Variants in LRP1B observed in about 807,000 individuals in gnomAD.
LRP1B encodes LDL receptor related protein 1B, also known as low-density lipoprotein receptor-related protein 1B.
Under a neutral mutation model 556.6 loss-of-function variants are expected in LRP1B, and 217 were observed. The observed-to-expected ratio is 0.39, with a 90% CI of 0.35 to 0.44. The LOEUF (loss-of-function observed/expected upper bound fraction) is 0.44, where lower values mean the gene tolerates loss of function less well. LRP1B is among the 20% of genes least tolerant of loss of function. The pLI, the probability that LRP1B is intolerant of heterozygous loss-of-function variation, is 1.00. For missense variants in LRP1B, 5,053 were observed against 5,620.8 expected (o/e 0.90, Z 3.23); for synonymous variants, 2,047 against 1,865.8 (o/e 1.10, Z -2.50).
At chr2:141,529,952 T>G (rs10201404) in intron 2 of LRP1B, among the ~76,000 whole-genome samples, 11,721 of 152,170 alleles carry the variant, frequency 0.077, 537 homozygotes, top group South Asian at 0.11. Context: ...TAAGATCTCA[T>G]GCAATTTTCT....
intron 2 of LRP1B, among the ~76,000 whole-genome samples, chr2:141,558,591 GT>G (rs1163918013): frequency 3.3e-5 from 5 of 151,764 alleles, no homozygotes; most frequent in Non-Finnish European, 7.4e-5. Context: ...TTAACCTTGA[GT>G]TTTTAAGTCC....
intron 2 of LRP1B, among the ~76,000 whole-genome samples, chr2:141,649,957 A>T (rs1410008177): frequency 2.6e-5 from 4 of 152,184 alleles, no homozygotes; most frequent in Non-Finnish European, 1.5e-5. Flanking sequence ...AAGCAGATGG[A>T]TCATCTGAGG....
At chr2:140,300,746 A>C (rs1018762671) in intron 83 of LRP1B, among the ~76,000 whole-genome samples, 1 of 152,148 alleles carries the variant, frequency 6.6e-6, no homozygotes, top group African/African-American at 2.4e-5. Flanking sequence ...ATCCCTGTCT[A>C]TAAAATCAAC....
chr2:140,816,857 A>G (rs941174082), intron 31 of LRP1B, among the ~76,000 whole-genome samples: 17 of 152,272 alleles, frequency 1.1e-4, no homozygotes, highest in African/African-American at 3.8e-4. Flanking sequence ...TTTTTGCATC[A>G]TAAGATTTTT....
intron 32 of LRP1B, among the ~76,000 whole-genome samples, chr2:140,781,852 G>C (rs1573710708): frequency 1.3e-5 from 2 of 152,164 alleles, no homozygotes; most frequent in Admixed American, 6.5e-5. Context: ...CAGATAGAAT[G>C]ACATGATTTT....
chr2:140,830,740 C>T (rs58585129), intron 31 of LRP1B, among the ~76,000 whole-genome samples: 70,927 of 151,780 alleles, frequency 0.47, 18,156 homozygotes, highest in East Asian at 0.57. Flanking sequence ...TAGTACTGGA[C>T]GTCCTAGCAA....
intron 1 of LRP1B, among the ~76,000 whole-genome samples, chr2:142,001,636 G>C (rs77992049): frequency 0.013 from 2,038 of 152,252 alleles, 48 homozygotes; most frequent in African/African-American, 0.047. Context: ...GTTCATTGGA[G>C]ACATACTGCA....
intron 32 of LRP1B, among the ~76,000 whole-genome samples, chr2:140,810,468 C>A (rs1049598051): frequency 1.7e-5 from 2 of 115,626 alleles, no homozygotes; most frequent in Non-Finnish European, 4.2e-5. Flanking sequence ...TTTACTTTTT[C>A]ATTGTTTTTT....
intron 1 of LRP1B, among the ~76,000 whole-genome samples, chr2:141,933,083 G>C (rs557301766): frequency 6.6e-6 from 1 of 151,724 alleles, no homozygotes; most frequent in Admixed American, 6.6e-5. Context: ...ATATTTAATA[G>C]GAATATATTT....
intron 15 of LRP1B, among the ~76,000 whole-genome samples, chr2:141,000,024 CCT>C (rs1697368497): frequency 6.6e-6 from 1 of 151,936 alleles, no homozygotes; most frequent in African/African-American, 2.4e-5. Flanking sequence ...CAAGAGAGCC[CCT>C]GACTCATCCT....
chr2:140,693,293 G>C (rs552765951), intron 41 of LRP1B, among the ~76,000 whole-genome samples: 10 of 152,238 alleles, frequency 6.6e-5, no homozygotes, highest in African/African-American at 2.2e-4. Flanking sequence ...AACATGTGCA[G>C]TTTCATTAAA....
intron 1 of LRP1B, among the ~76,000 whole-genome samples, chr2:142,006,712 T>A (rs550773694): frequency 6.6e-6 from 1 of 150,428 alleles, no homozygotes; most frequent in African/African-American, 2.4e-5. Context: ...AGAGGGCTAC[T>A]TTTTTTTTCA....
intron 54 of LRP1B, 77 bp downstream of exon 54, chr2:140,502,886 C>G: frequency 6.9e-7 from 1 of 1,440,932 alleles, no homozygotes; most frequent in South Asian, 1.2e-5. Context: ...TCATTGAATA[C>G]TATACTAGAC....
chr2:141,380,315 A>C (rs2104885349), intron 3 of LRP1B, among the ~76,000 whole-genome samples: 1 of 152,232 alleles, frequency 6.6e-6, no homozygotes. Context: ...GCTGTCCAAG[A>C]GTCTGGCTTC....
At chr2:141,346,879 T>G (rs1688272533) in intron 3 of LRP1B, among the ~76,000 whole-genome samples, 1 of 152,166 alleles carries the variant, frequency 6.6e-6, no homozygotes, top group South Asian at 2.1e-4. Context: ...ATGTTTTTAT[T>G]CTTTTGTAAT....
At chr2:140,911,242 A>G (rs1694409298) in intron 21 of LRP1B, among the ~76,000 whole-genome samples, 1 of 151,830 alleles carries the variant, frequency 6.6e-6, no homozygotes, top group South Asian at 2.1e-4. Flanking sequence ...CCATACATTT[A>G]TCAATATCAG....
At chr2:142,007,004 C>G (rs1190082255) in intron 1 of LRP1B, among the ~76,000 whole-genome samples, 3 of 151,982 alleles carry the variant, frequency 2.0e-5, no homozygotes, top group Non-Finnish European at 4.4e-5. Flanking sequence ...TTAGCTTGTC[C>G]TTGTCAAAAA....
At chr2:142,052,944 G>A (rs1360417232) in intron 1 of LRP1B, among the ~76,000 whole-genome samples, 1 of 152,142 alleles carries the variant, frequency 6.6e-6, no homozygotes, top group Non-Finnish European at 1.5e-5. Context: ...TCGGCATGAA[G>A]TTAATGAATA....
chr2:140,736,069 A>C (rs1687935483), intron 35 of LRP1B, among the ~76,000 whole-genome samples: 1 of 152,156 alleles, frequency 6.6e-6, no homozygotes, highest in Non-Finnish European at 1.5e-5. Flanking sequence ...AAACACATGG[A>C]GAAACTATGC....
Sources: gnomAD v4.1 joint callset for allele counts (sites outside exome capture counted in the v4.1 genomes callset) on GRCh38, gnomAD v4.1.1 for gene constraint, MANE v1.5 for transcripts, NCBI Gene and HGNC (gene_info 2026-07-23, HGNC 2026-07-21) for gene names.